Variants in KLHL1 observed in about 807,000 individuals in gnomAD.
The protein encoded by KLHL1 is kelch like family member 1.
KLHL1 carries 47 observed loss-of-function variants against 77.7 expected under a neutral mutation model. The observed-to-expected ratio is 0.60, with a 90% CI of 0.48 to 0.77. The LOEUF is 0.77. Ranked by LOEUF, KLHL1 falls within the 30% of genes least tolerant of loss-of-function variation. The pLI, the probability that KLHL1 is intolerant of heterozygous loss-of-function variation, is 0.00. For missense variants in KLHL1, 925 were observed against 910.8 expected, an observed-to-expected ratio of 1.02 and a Z score of -0.20; for synonymous variants, 360 against 325.2, an observed-to-expected ratio of 1.11 and a Z score of -1.15.
At chr13:70,002,470 T>C (rs1486011508) in intron 1 of KLHL1, among the ~76,000 whole-genome samples, 1 of 151,454 alleles carries the variant, frequency 6.6e-6, no homozygotes, top group Non-Finnish European at 1.5e-5. Context: ...TTGGAAAATA[T>C]CAAGTGATCT....
At chr13:69,756,414 C>T (rs1874741161) in intron 7 of KLHL1, among the ~76,000 whole-genome samples, 1 of 152,054 alleles carries the variant, frequency 6.6e-6, no homozygotes, top group South Asian at 2.1e-4. Context: ...TCTTTATGGT[C>T]ATCATTAACA....
Position 69,748,849 on chromosome 13 carries a change from G to A in KLHL1, c.1640-8293C>T, listed in dbSNP as rs1408800891. Among the ~76,000 whole-genome samples the A allele has an allele frequency of 8.6e-5, 13 of 151,908 alleles. No individual in the cohort carries two copies. The Admixed American group carries it at 8.6e-4, about 10-fold the overall frequency. On this transcript the variant is annotated intron_variant, in intron 7 of 10. Coordinates refer to ENST00000377844, the MANE Select transcript of KLHL1 (RefSeq NM_020866.3). The stretch of plus-strand genomic sequence containing the variant: ...AATTGCAAGCAGAATGATAGAGCAA[G>A]TATAAAATATGTCATTACTCTCAAA...
chr13:69,914,880 T>C (rs1188285305), intron 4 of KLHL1, among the ~76,000 whole-genome samples: 5 of 152,198 alleles, frequency 3.3e-5, no homozygotes, highest in Non-Finnish European at 7.3e-5. Flanking sequence ...ACAAATGTTC[T>C]ACATTAAAAT....
intron 3 of KLHL1, among the ~76,000 whole-genome samples, chr13:69,951,626 C>T (rs1883714570): frequency 6.6e-6 from 1 of 151,490 alleles, no homozygotes; most frequent in Non-Finnish European, 1.5e-5. Context: ...CCCACTTCCT[C>T]TTTATTCTTG....
At chr13:69,879,924 C>T (rs1006568562) in intron 5 of KLHL1, among the ~76,000 whole-genome samples, 2 of 152,098 alleles carry the variant, frequency 1.3e-5, no homozygotes, top group African/African-American at 4.8e-5. Context: ...GAGATAAAAT[C>T]GTTTGGTAAC....
intron 5 of KLHL1, among the ~76,000 whole-genome samples, chr13:69,848,939 CT>C (rs1023452747): frequency 6.6e-6 from 1 of 151,372 alleles, no homozygotes; most frequent in African/African-American, 2.4e-5. Context: ...TTTTGATTAA[CT>C]TTTATTTATT....
chr13:69,979,892 C>T (rs988426123), intron 1 of KLHL1, among the ~76,000 whole-genome samples: 14 of 152,184 alleles, frequency 9.2e-5, no homozygotes, highest in African/African-American at 3.4e-4. Flanking sequence ...TCCTTTCATA[C>T]CCATGTCTTG....
chr13:69,833,339 AC>A (rs2138098036), intron 6 of KLHL1, among the ~76,000 whole-genome samples: 1 of 152,280 alleles, frequency 6.6e-6, no homozygotes, highest in East Asian at 1.9e-4. Flanking sequence ...TAAATAGCCA[AC>A]AAACATATGA....
intron 4 of KLHL1, among the ~76,000 whole-genome samples, chr13:69,886,501 T>C (rs1881225587): frequency 6.6e-6 from 1 of 151,442 alleles, no homozygotes; most frequent in African/African-American, 2.4e-5. Context: ...ATAATATATA[T>C]ATAAAACTCT....
chr13:70,024,786 A>T (rs983784442), intron 1 of KLHL1, among the ~76,000 whole-genome samples: 3 of 151,828 alleles, frequency 2.0e-5, no homozygotes, highest in African/African-American at 7.2e-5. Flanking sequence ...CAAATTTAGG[A>T]AGGGGTACTC....
chr13:70,033,443 C>T (rs957657715), intron 1 of KLHL1, among the ~76,000 whole-genome samples: 16 of 151,812 alleles, frequency 1.1e-4, no homozygotes, highest in Admixed American at 6.6e-5. Flanking sequence ...GTGCCCACCA[C>T]CACGCCTGGC....
intron 5 of KLHL1, among the ~76,000 whole-genome samples, chr13:69,845,484 A>C (rs1879423346): frequency 1.3e-5 from 2 of 151,658 alleles, no homozygotes; most frequent in Non-Finnish European, 3.0e-5. Context: ...ATTTAGCAGA[A>C]ATAAAAGTTA....
intron 1 of KLHL1, among the ~76,000 whole-genome samples, chr13:70,031,071 A>G (rs527427231): frequency 6.6e-6 from 1 of 152,100 alleles, no homozygotes; most frequent in East Asian, 1.9e-4. Context: ...GAATAGACCA[A>G]TAACAGGCTC....
rs185355128 is a variant in KLHL1, at chr13:69,701,390, T to G, written c.*312A>C. 3.9e-3 allele frequency: 893 copies of G among 226,514 alleles called. 6 individuals carry two copies. The highest frequency in any genetic ancestry group is 0.019 in the African/African-American group (845 of 43,486). The allele number at this position is 226,514 out of a possible 1,614,324, so 14.0% of individuals were successfully genotyped here. ...TATCCATGTCACAAATATTGGTCTC[T>G]CCTTTCAACTGCTCAAGAAAAAACA... On this transcript the variant is annotated 3_prime_UTR_variant, in exon 11 of 11. Coordinates refer to ENST00000377844, the MANE Select transcript of KLHL1 (RefSeq NM_020866.3).
At chr13:69,764,509 A>T in intron 7 of KLHL1, among the ~76,000 whole-genome samples, 1 of 151,152 alleles carries the variant, frequency 6.6e-6, no homozygotes, top group East Asian at 2.0e-4. Flanking sequence ...TAAATGAATA[A>T]AGTCCTAAAT....
chr13:69,736,991 A>C (rs75116532), intron 8 of KLHL1, among the ~76,000 whole-genome samples: 1 of 152,014 alleles, frequency 6.6e-6, no homozygotes, highest in African/African-American at 2.4e-5. Context: ...TGAGGTACCA[A>C]TTTTCTCTTA....
intron 4 of KLHL1, among the ~76,000 whole-genome samples, chr13:69,886,023 G>T (rs1257517695): frequency 6.6e-6 from 1 of 152,126 alleles, no homozygotes; most frequent in Non-Finnish European, 1.5e-5. Flanking sequence ...TTGAAAACAA[G>T]CACAGAAAAT....
At chr13:69,896,689 G>A (rs1460098668) in intron 4 of KLHL1, among the ~76,000 whole-genome samples, 5 of 148,060 alleles carry the variant, frequency 3.4e-5, no homozygotes, top group Admixed American at 3.4e-4. Flanking sequence ...TTTTTTTTGA[G>A]ACAGAGTCTC....
At chr13:70,040,875 T>C (rs1411283746) in intron 1 of KLHL1, among the ~76,000 whole-genome samples, 4 of 152,186 alleles carry the variant, frequency 2.6e-5, no homozygotes, top group African/African-American at 4.8e-5. Flanking sequence ...AAATATTTGA[T>C]ATTTCATTGT....
Sources: allele counts gnomAD v4.1 joint callset (sites outside exome capture counted in the v4.1 genomes callset), GRCh38; gene constraint gnomAD v4.1.1; transcripts MANE v1.5; gene names NCBI Gene and HGNC (gene_info 2026-07-23, HGNC 2026-07-21).